Variants in FHIT observed in about 807,000 individuals in gnomAD.
FHIT encodes bis(5'-adenosyl)-triphosphatase.
In FHIT, 19 loss-of-function variants were observed where a neutral mutation model predicts 17.9. That is an observed-to-expected ratio of 1.06 (90% CI 0.74 to 1.56). FHIT has a LOEUF of 1.56. FHIT is among the 40% of genes most tolerant of loss of function. The pLI, the probability that FHIT is intolerant of heterozygous loss-of-function variation, is 0.00. For synonymous variants in FHIT, 81 were observed against 69.7 expected, an observed-to-expected ratio of 1.16 and a Z score of -0.81; for missense variants, 248 against 189.2, an observed-to-expected ratio of 1.31 and a Z score of -1.82.
intron 3 of FHIT, among the ~76,000 whole-genome samples, chr3:60,916,417 A>C (rs1216837903): frequency 6.6e-6 from 1 of 152,176 alleles, no homozygotes; most frequent in Non-Finnish European, 1.5e-5. Context: ...TTCCAAAACA[A>C]CCAAAAGTTC....
At chr3:60,552,014 G>C (rs1325953611) in intron 4 of FHIT, among the ~76,000 whole-genome samples, 1 of 151,730 alleles carries the variant, frequency 6.6e-6, no homozygotes, top group African/African-American at 2.4e-5. Context: ...CACAGCCCCT[G>C]GCAACTACTA....
intron 8 of FHIT, among the ~76,000 whole-genome samples, chr3:59,869,064 C>T (rs566615780): frequency 1.3e-3 from 192 of 152,164 alleles, no homozygotes; most frequent in Non-Finnish European, 2.5e-3. Context: ...TGTAGGAGAA[C>T]GGTTATTTAG....
In FHIT at chr3:59,972,615, A is replaced by C. The variant is rs550802993; in HGVS notation, c.279+38756T>G. ...TCCTGCCCCAGATTCTGAACCAATCAAACTCCCTGACAAGTGGAATCCAAG... is the reference window on the plus strand; with the variant it reads ...TCCTGCCCCAGATTCTGAACCAATCCAACTCCCTGACAAGTGGAATCCAAG... On this transcript the variant is annotated intron_variant, in intron 7 of 9. Transcript: ENST00000492590. 3.9e-5 allele frequency among the ~76,000 whole-genome samples: 6 copies of C among 152,152 alleles called. No homozygotes were observed. In the East Asian group the frequency reaches 1.2e-3, roughly 30 times the overall value.
intron 8 of FHIT, among the ~76,000 whole-genome samples, chr3:59,789,719 T>G (rs1244186495): frequency 6.6e-6 from 1 of 152,166 alleles, no homozygotes; most frequent in Non-Finnish European, 1.5e-5. Flanking sequence ...AGTGGACACT[T>G]TAGAAAAATT....
intron 4 of FHIT, among the ~76,000 whole-genome samples, chr3:60,717,125 G>T (rs1358537816): frequency 1.3e-5 from 2 of 152,158 alleles, no homozygotes; most frequent in African/African-American, 2.4e-5. Flanking sequence ...TAGAAGGTTG[G>T]TTGCCAGGGG....
intron 4 of FHIT, among the ~76,000 whole-genome samples, chr3:60,681,767 T>C (rs572955413): frequency 6.6e-6 from 1 of 152,252 alleles, no homozygotes; most frequent in East Asian, 1.9e-4. Context: ...GCCCTAACTA[T>C]ATTCAATTCT....
At chr3:59,778,448 A>AC (rs58102707) in intron 8 of FHIT, among the ~76,000 whole-genome samples, 5,735 of 152,186 alleles carry the variant, frequency 0.038, 150 homozygotes, top group South Asian at 0.09. Context: ...TGTAGTTTAA[A>AC]CTTTTTTCCC....
At chr3:60,447,849 G>T (rs117319880) in intron 5 of FHIT, among the ~76,000 whole-genome samples, 3 of 152,092 alleles carry the variant, frequency 2.0e-5, no homozygotes, top group Non-Finnish European at 4.4e-5. Context: ...AGATGAAGAC[G>T]TATGTAGTAA....
At chr3:59,804,408 G>A (rs187154647) in intron 8 of FHIT, among the ~76,000 whole-genome samples, 23 of 152,346 alleles carry the variant, frequency 1.5e-4, no homozygotes, top group African/African-American at 5.3e-4. Context: ...GGTAGAGGGT[G>A]CCTATGTTCT....
intron 4 of FHIT, among the ~76,000 whole-genome samples, chr3:60,749,175 C>T (rs998736335): frequency 9.2e-5 from 14 of 152,228 alleles, no homozygotes; most frequent in African/African-American, 3.4e-4. Context: ...TATAAAACTC[C>T]CCCAGAGAGG....
intron 5 of FHIT, among the ~76,000 whole-genome samples, chr3:60,532,432 A>G (rs1370306211): frequency 6.6e-6 from 1 of 152,226 alleles, no homozygotes; most frequent in African/African-American, 2.4e-5. Context: ...GGTAAGGAGA[A>G]GTATTAGCCA....
At chr3:59,809,700 G>T (rs1040745577) in intron 8 of FHIT, among the ~76,000 whole-genome samples, 3 of 152,162 alleles carry the variant, frequency 2.0e-5, no homozygotes, top group Non-Finnish European at 4.4e-5. Context: ...TGTAATGACT[G>T]GGGTTTGTTT....
chr3:61,091,889 A>G (rs1355113144), intron 2 of FHIT, among the ~76,000 whole-genome samples: 6 of 140,006 alleles, frequency 4.3e-5, no homozygotes, highest in Non-Finnish European at 6.0e-5. Context: ...ACAGTGACCC[A>G]TGATCATGCC....
chr3:60,721,517 C>G (rs1553708061), intron 4 of FHIT, among the ~76,000 whole-genome samples: 1 of 152,126 alleles, frequency 6.6e-6, no homozygotes, highest in African/African-American at 2.4e-5. Flanking sequence ...CAAGCCAACA[C>G]AAAGGCCTCA....
chr3:60,202,556 T>C (rs192464280), intron 5 of FHIT, among the ~76,000 whole-genome samples: 1 of 152,322 alleles, frequency 6.6e-6, no homozygotes, highest in African/African-American at 2.4e-5. Flanking sequence ...GGTTGCCTGA[T>C]TGTGGATGTG....
chr3:59,781,780 C>T (rs139909770), intron 8 of FHIT, among the ~76,000 whole-genome samples: 1 of 152,170 alleles, frequency 6.6e-6, no homozygotes, highest in Admixed American at 6.5e-5. Context: ...TGAAGATTAG[C>T]TTAGTGCTTC....
chr3:59,832,214 T>A (rs1701188272), intron 8 of FHIT, among the ~76,000 whole-genome samples: 1 of 152,118 alleles, frequency 6.6e-6, no homozygotes. Context: ...GACTATTGAG[T>A]ACTGTCCCTC....
chr3:61,020,389 T>C (rs1196529617), intron 3 of FHIT, among the ~76,000 whole-genome samples: 3 of 152,196 alleles, frequency 2.0e-5, no homozygotes, highest in Non-Finnish European at 2.9e-5. Context: ...GGGTTGTTTG[T>C]TTTTTTCTTG....
chr3:59,992,979 T>C (rs1368583016), intron 7 of FHIT, among the ~76,000 whole-genome samples: 1 of 152,086 alleles, frequency 6.6e-6, no homozygotes, highest in Non-Finnish European at 1.5e-5. Context: ...CCGTAAGAAG[T>C]CCAGGTCGTT....
Sources: allele counts gnomAD v4.1 joint callset (sites outside exome capture counted in the v4.1 genomes callset), GRCh38; gene constraint gnomAD v4.1.1; transcripts MANE v1.5; gene names NCBI Gene and HGNC (gene_info 2026-07-23, HGNC 2026-07-21).